RASGRF1: variants seen among roughly 807,000 people sequenced by gnomAD.
RASGRF1 encodes Ras protein specific guanine nucleotide releasing factor 1.
RASGRF1 carries 40 observed loss-of-function variants against 138.7 expected under a neutral mutation model. That is an observed-to-expected ratio of 0.29 (90% CI 0.22 to 0.38). RASGRF1 has a LOEUF of 0.38. RASGRF1 is among the 10% of genes least tolerant of loss of function. RASGRF1 has a pLI of 1.00. For synonymous variants in RASGRF1, 614 were observed against 663.2 expected, an observed-to-expected ratio of 0.93 and a Z score of 1.14; for missense variants, 1,108 against 1,650.4, an observed-to-expected ratio of 0.67 and a Z score of 5.69.
rs182306453 is a variant in RASGRF1, at chr15:79,073,411, C to T, written c.277-8885G>A. ...AAACTGCCCCAACAGGGAAGTGAGG[C>T]GGGGAGTTTGCCTTAGGAAATAGGA... On this transcript the variant is annotated intron_variant, in intron 1 of 26. Transcript: ENST00000558480. This position sits in a 1 kb window ranked among gnomAD's most constrained non-coding sequence, Gnocchi z 4.2. 2.5e-4 allele frequency among the ~76,000 whole-genome samples: 38 copies of T among 152,096 alleles called. No homozygotes were observed. Among genetic ancestry groups the T allele is most frequent in the African/African-American group, 7.2e-5 (3 of 41,492 alleles).
chr15:78,963,056 A>C (rs1248423559), intron 26 of RASGRF1, among the ~76,000 whole-genome samples: 1 of 152,042 alleles, frequency 6.6e-6, no homozygotes, highest in Non-Finnish European at 1.5e-5. Flanking sequence ...AAGAGTGGAA[A>C]ATCAGAAAGA....
chr15:78,986,226 C>A (rs1002040728), intron 22 of RASGRF1, among the ~76,000 whole-genome samples: 1 of 152,074 alleles, frequency 6.6e-6, no homozygotes, highest in African/African-American at 2.4e-5. Flanking sequence ...TAGGTTGGAT[C>A]TGGAGCAGCT....
rs144500259 is a variant in RASGRF1 at position 79,044,703 on chromosome 15, T to C, written c.878+2043A>G. ...TGGGTCTATCTTGAGGTCTATCGTG[T>C]TTCTTTTTGAGGTCATTGTTGAAAA... On this transcript the variant is annotated intron_variant, in intron 5 of 26. Transcript: ENST00000558480. Among the ~76,000 whole-genome samples the C allele has an allele frequency of 2.6e-5, 4 of 152,354 alleles. No individual in the cohort carries two copies. In the East Asian group the frequency reaches 7.7e-4, roughly 29 times the overall value.
Position 79,068,564 on chromosome 15 carries a change from G to A in RASGRF1, c.277-4038C>T, listed in dbSNP as rs989549035. On this transcript the variant is annotated intron_variant, in intron 1 of 26. Coordinates refer to ENST00000558480, the MANE Select transcript of RASGRF1 (RefSeq NM_001145648.3). ...ATATATATACACATGCTTTTATATC[G>A]ATGTATCATATATATATACATACAT... is the stretch of plus-strand genomic sequence containing the variant. Among the ~76,000 whole-genome samples, 7 of 143,610 alleles carry A rather than the reference G, an allele frequency of 4.9e-5. No homozygotes were observed. In the South Asian group the frequency reaches 6.7e-4, roughly 14 times the overall value. The allele number at this position is 143,610 out of a possible 152,430, so 94.2% of individuals were successfully genotyped here.
intron 1 of RASGRF1, among the ~76,000 whole-genome samples, chr15:79,065,480 C>A (rs1003766918): frequency 2.6e-5 from 4 of 151,882 alleles, no homozygotes; most frequent in Non-Finnish European, 4.4e-5. Flanking sequence ...GGGACAAAGC[C>A]CAGGTTTCAG....
At position 78,973,212 on chromosome 15, in the gene RASGRF1, G is replaced by T; in HGVS notation, c.3612+91C>A. On this transcript the variant is annotated intron_variant, in intron 25 of 26. Transcript: ENST00000558480. This position sits in a 1 kb window ranked among gnomAD's most constrained non-coding sequence, Gnocchi z 4.9. ...ATGGGGGCACCCTATGCAGCAGGTT[G>T]GGCCTTGGGGGGCAGAGTGTGGGTG... is the stretch of plus-strand genomic sequence containing the variant. The T allele has an allele frequency of 1.9e-6, 2 of 1,037,470 alleles. No individual in the cohort carries two copies. The highest frequency in any genetic ancestry group is 1.6e-5 in the African/African-American group (1 of 62,438). The allele number at this position is 1,037,470 out of a possible 1,614,324, so 64.3% of individuals were successfully genotyped here.
In RASGRF1 at chr15:79,058,358, G is replaced by T. The variant is rs200292424; in HGVS notation, c.507C>A (p.Ile169=). 1.9e-6 allele frequency: 3 copies of T among 1,613,884 alleles called. No individual in the cohort carries two copies. The Admixed American group carries it at 5.0e-5, about 27-fold the overall frequency. The change falls in exon 3 of 27, where the codon ATC becomes ATA. Residue 169 remains isoleucine (I), a synonymous_variant. Coordinates refer to ENST00000558480, the MANE Select transcript of RASGRF1 (RefSeq NM_001145648.3). ...CCTCTGCCTTCAGCCGCTCGATCTC[G>T]ATCTCCCCATCCTCGATCTGCTGCC... ...QLRQQIEDGE[I]EIERLKAEIT... is the part of the protein sequence containing the mutation.
chr15:79,053,734 A>AG (rs796759695), intron 3 of RASGRF1, among the ~76,000 whole-genome samples: 70 of 152,336 alleles, frequency 4.6e-4, no homozygotes, highest in African/African-American at 1.6e-3. Context: ...CACAGGATGG[A>AG]GGGCACAGAG....
chr15:79,053,214 G>A (rs553430475), intron 3 of RASGRF1, among the ~76,000 whole-genome samples: 13 of 152,072 alleles, frequency 8.5e-5, no homozygotes, highest in Non-Finnish European at 1.2e-4. Flanking sequence ...GCAGTGAGCC[G>A]AGATTGTGCC....
Position 78,999,847 on chromosome 15 carries a change from C to A in RASGRF1, c.2642G>T (p.Arg881Leu), listed in dbSNP as rs769549993. ...GGCAGAGGCGGCCGACAAGGCACTG[C>A]GGTTATTGTCCAGTTCACGACAGGA... ...MTSCRELDNN[R>L]SALSAASAFA... The change falls in exon 17 of 27, where the codon CGC becomes CTC. Residue 881 changes from arginine (R) to leucine (L), a missense_variant. By Grantham distance (102) the Arg-to-Leu change is moderately radical (BLOSUM62 -2). This residue lies in a region of RASGRF1 where 686 missense variants were observed against 976.7 expected (regional missense o/e 0.70). Transcript: ENST00000558480. The A allele has an allele frequency of 3.1e-6, 5 of 1,613,962 alleles. No homozygotes were observed. Among genetic ancestry groups the A allele is most frequent in the South Asian group, 1.1e-5 (1 of 91,086 alleles).
intron 5 of RASGRF1, among the ~76,000 whole-genome samples, chr15:79,041,864 T>TTGA (rs1292679373): frequency 3.3e-5 from 5 of 152,252 alleles, no homozygotes; most frequent in African/African-American, 4.8e-5. Context: ...ACAGGATGAA[T>TTGA]TGATTGTGGC....
chr15:79,065,944 G>C (rs2057674703), intron 1 of RASGRF1, among the ~76,000 whole-genome samples: 1 of 151,836 alleles, frequency 6.6e-6, no homozygotes, highest in South Asian at 2.1e-4. Flanking sequence ...AGGAGAGAGA[G>C]AGAGAGAGGA....
intron 1 of RASGRF1, among the ~76,000 whole-genome samples, chr15:79,077,248 G>T (rs2057845205): frequency 6.6e-6 from 1 of 152,116 alleles, no homozygotes; most frequent in African/African-American, 2.4e-5. Context: ...TCAGACCTGG[G>T]TTCAAATTTA....
chr15:79,035,346 G>A, intron 5 of RASGRF1, 136 bp from the exon 6 acceptor site: 5 of 639,288 alleles, frequency 7.8e-6, no homozygotes, highest in East Asian at 2.9e-5. Context: ...AAACTGCACC[G>A]GCAGGATGGA....
rs1052379452 is a variant in RASGRF1, at chr15:78,999,921, G to C, written c.2576-8C>G. On this transcript the variant is annotated splice_region_variant and splice_polypyrimidine_tract_variant and intron_variant, in intron 16 of 26. Transcript: ENST00000558480. ...AGGAAAAGAGTGGGAACTCTGCAGA[G>C]AGGAGGGAACCAACCCTCAGCTGTC... 1.2e-6 allele frequency: 2 copies of C among 1,613,310 alleles called. No individual in the cohort carries two copies. Among genetic ancestry groups the C allele is most frequent in the Non-Finnish European group, 1.7e-6 (2 of 1,179,308 alleles).
chr15:79,082,848 C>T (rs2057931181), intron 1 of RASGRF1, among the ~76,000 whole-genome samples: 1 of 152,184 alleles, frequency 6.6e-6, no homozygotes. Flanking sequence ...AGGGTCAGGG[C>T]TCAGTGTTGG....
At chr15:79,007,224 T>C (rs934977961) in intron 13 of RASGRF1, among the ~76,000 whole-genome samples, 2 of 152,184 alleles carry the variant, frequency 1.3e-5, no homozygotes, top group Non-Finnish European at 2.9e-5. Context: ...GGGTCTTGTT[T>C]CAGCTGCTTG....
At chr15:79,040,603 C>T (rs556551560) in intron 5 of RASGRF1, among the ~76,000 whole-genome samples, 1 of 152,068 alleles carries the variant, frequency 6.6e-6, no homozygotes, top group Non-Finnish European at 1.5e-5. Flanking sequence ...CTCTCACCAC[C>T]CCCTTTGTTC....
intron 10 of RASGRF1, among the ~76,000 whole-genome samples, chr15:79,024,425 G>A (rs4778801): frequency 0.47 from 70,957 of 150,138 alleles, 18,242 homozygotes; most frequent in South Asian, 0.64. Context: ...ACACACACAT[G>A]CATACACACA....
Sources: allele counts gnomAD v4.1 joint callset (sites outside exome capture counted in the v4.1 genomes callset), GRCh38; gene constraint gnomAD v4.1.1; regional missense constraint gnomAD v4.1.1; non-coding constraint Gnocchi (gnomAD v3.1); transcripts MANE v1.5; gene names NCBI Gene and HGNC (gene_info 2026-07-23, HGNC 2026-07-21).